The following VAV2 variants were observed in gnomAD, a reference collection of about 807,000 sequenced individuals.
VAV2 encodes the protein guanine nucleotide exchange factor VAV2.
VAV2 carries 67 observed loss-of-function variants against 132.5 expected under a neutral mutation model. That is an observed-to-expected ratio of 0.51 (90% CI 0.42 to 0.62). The LOEUF is 0.62. Among genes scored for constraint, VAV2 ranks in the 20% least tolerant of loss-of-function variants. VAV2 has a pLI of 0.00. For synonymous variants in VAV2, 492 were observed against 443.5 expected, an observed-to-expected ratio of 1.11 and a Z score of -1.37; for missense variants, 938 against 1,153.6, an observed-to-expected ratio of 0.81 and a Z score of 2.71.
intron 2 of VAV2, among the ~76,000 whole-genome samples, chr9:133,897,847 C>T (rs1839274591): frequency 6.6e-6 from 1 of 152,074 alleles, no homozygotes; most frequent in Non-Finnish European, 1.5e-5. Flanking sequence ...AAAAAACAAC[C>T]CGCCCCCAGG....
rs1213434322 is a variant in VAV2, at chr9:133,885,540, G to A, written c.322-24108C>T. On this transcript the variant is annotated intron_variant, in intron 2 of 29. Transcript: ENST00000371850. The surrounding 1 kb of genome is among the most constrained non-coding windows in gnomAD (Gnocchi z 5.0). ...CTAATAATGGTGCACCGCCAGGAGCGTGCAATGCCATTCAGATTTTACACA... is the reference window on the plus strand; with the variant it reads ...CTAATAATGGTGCACCGCCAGGAGCATGCAATGCCATTCAGATTTTACACA... 3.3e-5 allele frequency among the ~76,000 whole-genome samples: 5 copies of A among 152,226 alleles called. No homozygotes were observed. The highest frequency in any genetic ancestry group is 1.3e-4 in the Admixed American group (2 of 15,282).
At chr9:133,904,806 CG>C (rs1233399024) in intron 2 of VAV2, among the ~76,000 whole-genome samples, 1 of 152,230 alleles carries the variant, frequency 6.6e-6, no homozygotes, top group East Asian at 1.9e-4. Context: ...CCCAGAGTAC[CG>C]GGGTGTGAAC....
rs1232623564 is a variant in VAV2, at chr9:133,809,138, T to C, written c.568A>G (p.Lys190Glu). The C allele has an allele frequency of 6.2e-7, 1 of 1,613,456 alleles. No homozygotes were observed. Among genetic ancestry groups the C allele is most frequent in the African/African-American group, 1.3e-5 (1 of 74,896 alleles). The change falls in exon 7 of 30, where the codon AAA becomes GAA. Residue 190 changes from lysine (K) to glutamate (E), a missense_variant and splice_region_variant. Coordinates refer to ENST00000371850, the MANE Select transcript of VAV2 (RefSeq NM_001134398.2). Reference protein sequence around the residue: ...VQQPMIRYMQKMGMTEDDKRN... With the variant: ...VQQPMIRYMQEMGMTEDDKRN... ...TTGTCATCTTCAGTCATGCCCATTT[T>C]CTAGAGGAGGGAAGGGGGAGTCAGC...
In VAV2 at chr9:133,769,481, A is replaced by G. The variant is rs769962409; in HGVS notation, c.2370T>C (p.Phe790=). ...TGAGGCCCTGAGGACTGAGAAAAGA[A>G]AAGTTGTAGGAAGCACAGGAAGCTG... ...RSPASCASYN[F]SFLSPQGLSF... The change falls in exon 28 of 30, where the codon TTT becomes TTC. Residue 790 remains phenylalanine, a synonymous_variant. Transcript: ENST00000371850. This position sits in a 1 kb window ranked among gnomAD's most constrained non-coding sequence, Gnocchi z 8.1. 6.2e-7 allele frequency: 1 copy of G among 1,612,952 alleles called. No homozygotes were observed. The highest frequency in any genetic ancestry group is 8.5e-7 in the Non-Finnish European group (1 of 1,179,470).
At chr9:133,853,328 A>G (rs547277113) in intron 3 of VAV2, among the ~76,000 whole-genome samples, 2 of 152,230 alleles carry the variant, frequency 1.3e-5, no homozygotes, top group African/African-American at 4.8e-5. Flanking sequence ...CTCGGCCAAG[A>G]GAGGGTGGAA....
At chr9:133,795,567 C>G in intron 12 of VAV2, 101 bp downstream of exon 12, 1 of 1,431,978 alleles carries the variant, frequency 7.0e-7, no homozygotes. Context: ...AGGAAACTGT[C>G]CACAGTCAAA....
At position 133,839,649 on chromosome 9, in the gene VAV2, C is replaced by T. The variant is rs577444940; in HGVS notation, c.381-5309G>A. Reference sequence around the variant, plus strand: ...TATTTTTAGTAGAGACAGGGTTTCACTATGGTGGCCATGCTGGTCTCAAAC... The same window carrying T: ...TATTTTTAGTAGAGACAGGGTTTCATTATGGTGGCCATGCTGGTCTCAAAC... On this transcript the variant is annotated intron_variant, in intron 3 of 29. Coordinates refer to ENST00000371850, the MANE Select transcript of VAV2 (RefSeq NM_001134398.2). Among the ~76,000 whole-genome samples the T allele has an allele frequency of 3.3e-5, 5 of 152,138 alleles. No individual in the cohort carries two copies. In the East Asian group the frequency reaches 9.7e-4, roughly 29 times the overall value.
chr9:133,963,492 G>A (rs1303074970), intron 1 of VAV2, among the ~76,000 whole-genome samples: 3 of 152,204 alleles, frequency 2.0e-5, no homozygotes, highest in Admixed American at 2.0e-4. Flanking sequence ...CGGCCAGCAG[G>A]GTCCAGTCGT....
chr9:133,808,889 T>G (rs1835255350), intron 7 of VAV2, 151 bp downstream of exon 7: 1 of 682,282 alleles, frequency 1.5e-6, no homozygotes, highest in East Asian at 2.9e-5. Context: ...AGGGGGTACC[T>G]GGAGGCAGAG....
chr9:133,965,935 C>T (rs1391337875), intron 1 of VAV2, among the ~76,000 whole-genome samples: 2 of 152,154 alleles, frequency 1.3e-5, no homozygotes, highest in Non-Finnish European at 2.9e-5. Context: ...AAAAACAAAA[C>T]ACATACCTAG....
chr9:133,770,365 G>A lies in VAV2; in HGVS notation c.2347+13C>T, dbSNP rs775890584. 3 of 1,613,740 alleles carry A rather than the reference G, an allele frequency of 1.9e-6. No individual in the cohort carries two copies. In the South Asian group the frequency reaches 3.3e-5, roughly 18 times the overall value. The stretch of plus-strand genomic sequence containing the variant: ...CGAGGAGTGCTGGTGTGCCGGCTGG[G>A]CCGGGGCGTTACCTGGGGACCGGCT... On this transcript the variant is annotated intron_variant, in intron 27 of 29. Coordinates refer to ENST00000371850, the MANE Select transcript of VAV2 (RefSeq NM_001134398.2).
intron 2 of VAV2, among the ~76,000 whole-genome samples, chr9:133,906,072 GGAA>G (rs1839640775): frequency 6.6e-6 from 1 of 152,106 alleles, no homozygotes; most frequent in Non-Finnish European, 1.5e-5. Flanking sequence ...GTTCCTACAA[GGAA>G]ACTGCCTGAC....
At position 133,879,115 on chromosome 9, in the gene VAV2, G is replaced by A. The variant is rs1290354588; in HGVS notation, c.322-17683C>T. 6.6e-6 allele frequency among the ~76,000 whole-genome samples: 1 copy of A among 152,208 alleles called. No individual in the cohort carries two copies. Among genetic ancestry groups the A allele is most frequent in the African/African-American group, 2.4e-5 (1 of 41,458 alleles). ...GAGGGGACCGGGCCGGGCTTGTGCT[G>A]CTGAACCTGGCTCTGGACCCCGTCT... On this transcript the variant is annotated intron_variant, in intron 2 of 29. Coordinates refer to ENST00000371850, the MANE Select transcript of VAV2 (RefSeq NM_001134398.2). This position sits in a 1 kb window ranked among gnomAD's most constrained non-coding sequence, Gnocchi z 4.4.
chr9:133,832,495 G>A (rs1301085333), intron 4 of VAV2, among the ~76,000 whole-genome samples: 1 of 152,212 alleles, frequency 6.6e-6, no homozygotes, highest in Non-Finnish European at 1.5e-5. Context: ...ACAGGGTTGA[G>A]ATGGACAGTC....
chr9:133,818,683 C>G (rs1036056448), intron 4 of VAV2, among the ~76,000 whole-genome samples: 2 of 152,148 alleles, frequency 1.3e-5, no homozygotes, highest in South Asian at 4.1e-4. Context: ...ATAATAAATC[C>G]CCCCAGCCAT....
At chr9:133,946,348 C>G (rs149679491) in intron 1 of VAV2, among the ~76,000 whole-genome samples, 500 of 152,346 alleles carry the variant, frequency 3.3e-3, no homozygotes, top group Non-Finnish European at 5.5e-3. Context: ...CCCATGTGCT[C>G]CTTGCTGCAA....
chr9:133,792,679 C>CCCCCCCCCCCA (rs1834541940), intron 12 of VAV2, among the ~76,000 whole-genome samples: 1 of 15,320 alleles, frequency 6.5e-5, no homozygotes, highest in African/African-American at 4.4e-4. Context: ...CCCCAAGGGA[C>CCCCCCCCCCCA]CCCCCCCCCC....
At position 133,784,316 on chromosome 9, in the gene VAV2, C is replaced by T. The variant is rs1834132090; in HGVS notation, c.1634+1G>A. ...GGGCTGTAGCAGGGGGTTTCCCACA[C>T]CTGAGGAACATTTTGCAGGCTTTGC... On this transcript the variant is annotated splice_donor_variant, in intron 18 of 29. Transcript: ENST00000371850. LOFTEE classifies it high-confidence loss of function. 2 of 1,613,996 alleles carry T rather than the reference C, an allele frequency of 1.2e-6. No individual in the cohort carries two copies. The highest frequency in any genetic ancestry group is 8.5e-7 in the Non-Finnish European group (1 of 1,179,964).
chr9:133,895,688 T>C (rs1432886223), intron 2 of VAV2, among the ~76,000 whole-genome samples: 7 of 152,154 alleles, frequency 4.6e-5, no homozygotes, highest in Admixed American at 3.3e-4. Flanking sequence ...GGGTTTCTTT[T>C]TGGGGGTAAT....
Sources: gnomAD v4.1 joint callset for allele counts (sites outside exome capture counted in the v4.1 genomes callset) on GRCh38, gnomAD v4.1.1 for gene constraint, Gnocchi (gnomAD v3.1) non-coding constraint, MANE v1.5 for transcripts, NCBI Gene and HGNC (gene_info 2026-07-23, HGNC 2026-07-21) for gene names.